The following DAB1 variants were observed in gnomAD, a reference collection of about 807,000 sequenced individuals.
The protein encoded by DAB1 is DAB adaptor protein 1, also known as disabled homolog 1.
A neutral mutation model predicts 64.6 loss-of-function variants in DAB1; 15 were observed. The observed-to-expected ratio is 0.23, with a 90% CI of 0.16 to 0.36. The LOEUF is 0.36. Ranked by LOEUF, DAB1 falls within the 10% of genes least tolerant of loss-of-function variation. The probability of loss-of-function intolerance (pLI) is 1.00; values close to 1 mark genes in which losing one functional copy is unlikely to be tolerated. For synonymous variants in DAB1, 235 were observed against 251.9 expected (o/e 0.93, Z 0.64); for missense variants, 596 against 706.7 (o/e 0.84, Z 1.78).
At position 57,950,089 on chromosome 1, in the gene DAB1, C is replaced by T. The variant is rs191208897; in HGVS notation, n.388-65927G>A. ...CATGCCCTTCAAGGATAATCTTAGC[C>T]TAATATTTCAATAAGGAAAGCAAAT... On this transcript the variant is annotated intron_variant and non_coding_transcript_variant, in intron 5 of 20. Transcript: ENST00000485760. Among the ~76,000 whole-genome samples, 805 of 152,242 alleles carry T rather than the reference C, an allele frequency of 5.3e-3. 6 individuals carry two copies. Among genetic ancestry groups the T allele is most frequent in the African/African-American group, 0.018 (765 of 41,536 alleles).
chr1:57,125,413 C>T (rs1410215835), intron 4 of DAB1, among the ~76,000 whole-genome samples: 1 of 152,114 alleles, frequency 6.6e-6, no homozygotes, highest in African/African-American at 2.4e-5. Flanking sequence ...CTTTCCTTTC[C>T]TGTCAATCTG....
chr1:57,764,119 T>C (rs2101821619), intron 6 of DAB1, among the ~76,000 whole-genome samples: 1 of 152,240 alleles, frequency 6.6e-6, no homozygotes, highest in South Asian at 2.1e-4. Context: ...CAGCCATGGG[T>C]GCCTGAGACT....
intron 5 of DAB1, among the ~76,000 whole-genome samples, chr1:58,022,869 T>C (rs1646834191): frequency 1.3e-5 from 2 of 152,208 alleles, no homozygotes; most frequent in African/African-American, 4.8e-5. Context: ...TCATTCATTA[T>C]TTATTTTTCT....
intron 4 of DAB1, among the ~76,000 whole-genome samples, chr1:58,298,566 C>G (rs1662044718): frequency 6.6e-6 from 1 of 152,238 alleles, no homozygotes; most frequent in African/African-American, 2.4e-5. Context: ...TCTGTCATCA[C>G]TCCCAGACTG....
chr1:58,322,931 T>A (rs2100486762), intron 4 of DAB1, among the ~76,000 whole-genome samples: 1 of 152,288 alleles, frequency 6.6e-6, no homozygotes. Context: ...TGAGTTCATG[T>A]CCTTTGTAGG....
intron 7 of DAB1, among the ~76,000 whole-genome samples, chr1:57,630,675 T>A (rs1490497529): frequency 6.6e-6 from 1 of 152,116 alleles, no homozygotes; most frequent in Non-Finnish European, 1.5e-5. Context: ...CCTCAAAGCA[T>A]CCTGGGCACC....
chr1:58,321,613 C>T (rs937926414), intron 4 of DAB1, among the ~76,000 whole-genome samples: 7 of 152,278 alleles, frequency 4.6e-5, no homozygotes, highest in East Asian at 1.9e-4. Flanking sequence ...GATTATATCC[C>T]GTGCCTGGCT....
chr1:57,957,897 C>A (rs952844497), intron 5 of DAB1, among the ~76,000 whole-genome samples: 3 of 151,876 alleles, frequency 2.0e-5, no homozygotes, highest in Non-Finnish European at 4.4e-5. Context: ...AATTATAAGT[C>A]TTTGATTGTG....
chr1:57,270,076 C>T (rs973401221), intron 2 of DAB1, among the ~76,000 whole-genome samples: 2 of 152,184 alleles, frequency 1.3e-5, no homozygotes, highest in African/African-American at 4.8e-5. Context: ...TGGATGTCTG[C>T]CCACAAAAGC....
downstream of DAB1, among the ~76,000 whole-genome samples, chr1:57,822,331 A>ATCCT (rs1242546977): frequency 1.3e-5 from 2 of 152,138 alleles, no homozygotes; most frequent in African/African-American, 4.8e-5. Flanking sequence ...CAGGTAGATA[A>ATCCT]CTTTAAAGAC....
intron 4 of DAB1, among the ~76,000 whole-genome samples, chr1:58,243,361 GCCTATGAATAGAAATGAATTCTTTA>G (rs1352948458): frequency 6.6e-6 from 1 of 152,194 alleles, no homozygotes. Context: ...TTTATTAAAA[GCCTATGAATAGAAATGAATTCTTTA>G]TTTGGTATTC....
chr1:57,233,220 A>G (rs1340970867), intron 2 of DAB1, among the ~76,000 whole-genome samples: 1 of 133,742 alleles, frequency 7.5e-6, no homozygotes, highest in African/African-American at 2.8e-5. Context: ...GGATTCACCC[A>G]TCTCAGCAAT....
intron 5 of DAB1, among the ~76,000 whole-genome samples, chr1:57,900,752 C>G (rs1644460696): frequency 6.6e-6 from 1 of 152,184 alleles, no homozygotes; most frequent in Non-Finnish European, 1.5e-5. Context: ...TTCCTTCAGG[C>G]CTTCTCTGAC....
chr1:57,978,439 G>C (rs987316861), intron 5 of DAB1, among the ~76,000 whole-genome samples: 2 of 152,076 alleles, frequency 1.3e-5, no homozygotes, highest in African/African-American at 4.8e-5. Flanking sequence ...AGACTCAAAC[G>C]TAAGACCCAG....
chr1:57,329,294 G>C (rs984402614), intron 1 of DAB1, among the ~76,000 whole-genome samples: 12 of 152,164 alleles, frequency 7.9e-5, no homozygotes, highest in Non-Finnish European at 1.5e-4. Flanking sequence ...TCCCTCCAAA[G>C]CCCATGAGAA....
intron 5 of DAB1, among the ~76,000 whole-genome samples, chr1:58,047,181 T>C (rs1426240809): frequency 6.6e-6 from 1 of 152,268 alleles, no homozygotes; most frequent in Admixed American, 6.5e-5. Context: ...TAGCATGGGC[T>C]ATGAATGCAA....
intron 4 of DAB1, among the ~76,000 whole-genome samples, chr1:58,340,963 G>T (rs1643923852): frequency 6.6e-6 from 1 of 152,172 alleles, no homozygotes; most frequent in Non-Finnish European, 1.5e-5. Context: ...AGATTCAAAG[G>T]GTTGTGTGCT....
chr1:57,330,937 C>G (rs1486292885), intron 1 of DAB1, among the ~76,000 whole-genome samples: 1 of 152,122 alleles, frequency 6.6e-6, no homozygotes, highest in Non-Finnish European at 1.5e-5. Context: ...CTCTGTAGAG[C>G]CACCTAAACA....
At chr1:57,117,253 T>C (rs1482869129) in intron 4 of DAB1, among the ~76,000 whole-genome samples, 1 of 152,242 alleles carries the variant, frequency 6.6e-6, no homozygotes, top group Admixed American at 6.5e-5. Flanking sequence ...GGAGACACTC[T>C]ACTGGCTGGC....
Sources: gnomAD v4.1 joint callset for allele counts (sites outside exome capture counted in the v4.1 genomes callset) on GRCh38, gnomAD v4.1.1 for gene constraint, MANE v1.5 for transcripts, NCBI Gene and HGNC (gene_info 2026-07-23, HGNC 2026-07-21) for gene names.